Variants in CNTNAP2 observed in about 807,000 individuals in gnomAD.
CNTNAP2 encodes contactin-associated protein-like 2.
Under a neutral mutation model 155.2 loss-of-function variants are expected in CNTNAP2, and 98 were observed. That is an observed-to-expected ratio of 0.63 (90% CI 0.54 to 0.75). The LOEUF is 0.75. Ranked by LOEUF, CNTNAP2 falls within the 30% of genes least tolerant of loss-of-function variation. The pLI is 0.00. For synonymous variants in CNTNAP2, 651 were observed against 631.2 expected (o/e 1.03, Z -0.47); for missense variants, 1,727 against 1,688.1 (o/e 1.02, Z -0.40).
chr7:146,353,784 C>CAATAAT (rs564677532), intron 1 of CNTNAP2, among the ~76,000 whole-genome samples: 14 of 150,884 alleles, frequency 9.3e-5, no homozygotes, highest in East Asian at 3.9e-4. Flanking sequence ...CCTATTAAAA[C>CAATAAT]AATAATAATA....
intron 4 of CNTNAP2, among the ~76,000 whole-genome samples, chr7:147,086,914 A>T (rs1266873333): frequency 2.6e-5 from 4 of 152,348 alleles, no homozygotes; most frequent in Middle Eastern, 3.4e-3. Flanking sequence ...AACGAATTCA[A>T]GTTAAGTTTT....
chr7:147,117,016 G>A (rs1022510370), intron 5 of CNTNAP2, among the ~76,000 whole-genome samples: 1 of 152,198 alleles, frequency 6.6e-6, no homozygotes, highest in South Asian at 2.1e-4. Context: ...TTGTCCTGAT[G>A]ACAGTGGCTG....
intron 11 of CNTNAP2, among the ~76,000 whole-genome samples, chr7:147,537,345 T>G (rs1799560869): frequency 6.6e-6 from 1 of 152,216 alleles, no homozygotes; most frequent in Non-Finnish European, 1.5e-5. Context: ...CTTGGAACTC[T>G]TATATAATCG....
chr7:146,320,321 A>T (rs1800979378), intron 1 of CNTNAP2, among the ~76,000 whole-genome samples: 1 of 152,096 alleles, frequency 6.6e-6, no homozygotes, highest in African/African-American at 2.4e-5. Context: ...TGTTGTAGTT[A>T]TACTCCAAAA....
At chr7:146,464,099 G>A (rs1183330241) in intron 1 of CNTNAP2, among the ~76,000 whole-genome samples, 2 of 150,130 alleles carry the variant, frequency 1.3e-5, no homozygotes, top group South Asian at 2.1e-4. Flanking sequence ...AAAACAAAGC[G>A]TTCATTTTTT....
intron 1 of CNTNAP2, among the ~76,000 whole-genome samples, chr7:146,713,927 T>C (rs1013904164): frequency 6.6e-6 from 1 of 152,088 alleles, no homozygotes; most frequent in African/African-American, 2.4e-5. Context: ...TAAAATGAAC[T>C]AGCATATGTA....
chr7:147,740,441 A>G (rs949591290), intron 13 of CNTNAP2, among the ~76,000 whole-genome samples: 2 of 152,106 alleles, frequency 1.3e-5, no homozygotes, highest in African/African-American at 4.8e-5. Context: ...TGCCCAACAA[A>G]CCCACTGAGG....
At chr7:147,407,430 TGCACTCCA>T (rs1797024667) in intron 10 of CNTNAP2, among the ~76,000 whole-genome samples, 1 of 126,444 alleles carries the variant, frequency 7.9e-6, no homozygotes, top group Non-Finnish European at 1.6e-5. Context: ...ATCATGCCAC[TGCACTCCA>T]GCCTGGGCAA....
At chr7:146,802,835 C>T (rs1802904485) in intron 2 of CNTNAP2, among the ~76,000 whole-genome samples, 1 of 152,104 alleles carries the variant, frequency 6.6e-6, no homozygotes, top group Non-Finnish European at 1.5e-5. Context: ...ATCATAAGGT[C>T]AATTGATTAC....
Position 146,434,457 on chromosome 7 carries a change from T to G in CNTNAP2, c.97+317484T>G, listed in dbSNP as rs184926007. Among the ~76,000 whole-genome samples, 20 of 152,324 alleles carry G rather than the reference T, an allele frequency of 1.3e-4. No homozygotes were observed. In the East Asian group the frequency reaches 3.3e-3, roughly 25 times the overall value. On this transcript the variant is annotated intron_variant, in intron 1 of 23. Coordinates refer to ENST00000361727, the MANE Select transcript of CNTNAP2 (RefSeq NM_014141.6). ...TGAAACTTTCAAGCATGGATTAAAA[T>G]TATGCTTACCCTTTACTTACTATTA...
At chr7:146,633,832 G>GAAAAAAAAAAAAAAAAA (rs60993956) in intron 1 of CNTNAP2, among the ~76,000 whole-genome samples, 23 of 79,026 alleles carry the variant, frequency 2.9e-4, no homozygotes, top group African/African-American at 5.4e-4. Flanking sequence ...TGCATCTAGA[G>GAAAAAAAAAAAAAAAAA]AAAAAAAAAA....
chr7:146,172,523 T>A (rs1798410129), intron 1 of CNTNAP2, among the ~76,000 whole-genome samples: 1 of 152,140 alleles, frequency 6.6e-6, no homozygotes, highest in South Asian at 2.1e-4. Flanking sequence ...AAATTCCTGA[T>A]TTTTCTCTCC....
chr7:148,062,628 G>T (rs1012728721), intron 15 of CNTNAP2, among the ~76,000 whole-genome samples: 1 of 151,948 alleles, frequency 6.6e-6, no homozygotes, highest in Non-Finnish European at 1.5e-5. Context: ...CTAGGGGAAG[G>T]TATCTTAAAA....
At chr7:146,836,047 G>A (rs1803610631) in intron 2 of CNTNAP2, among the ~76,000 whole-genome samples, 1 of 152,070 alleles carries the variant, frequency 6.6e-6, no homozygotes, top group Non-Finnish European at 1.5e-5. Context: ...GCTAAGTACT[G>A]TATCATAGAA....
At chr7:147,872,996 A>T (rs10085572) in intron 13 of CNTNAP2, among the ~76,000 whole-genome samples, 5,992 of 152,320 alleles carry the variant, frequency 0.039, 251 homozygotes, top group East Asian at 0.16. Context: ...AAATATGAAC[A>T]TTCAATAAAG....
At chr7:147,142,994 G>C (rs1801630535) in intron 8 of CNTNAP2, among the ~76,000 whole-genome samples, 1 of 151,990 alleles carries the variant, frequency 6.6e-6, no homozygotes, top group South Asian at 2.1e-4. Flanking sequence ...CCATCCTCTA[G>C]TATAGTGCCT....
chr7:146,701,920 A>G (rs1239628686), intron 1 of CNTNAP2, among the ~76,000 whole-genome samples: 2 of 152,188 alleles, frequency 1.3e-5, no homozygotes, highest in African/African-American at 4.8e-5. Flanking sequence ...GAAAAGTAAT[A>G]TTTCTGTTGA....
chr7:147,792,946 C>G (rs193194148), intron 13 of CNTNAP2, among the ~76,000 whole-genome samples: 12 of 152,258 alleles, frequency 7.9e-5, no homozygotes, highest in African/African-American at 2.9e-4. Context: ...TCCCTGATGA[C>G]TAATGATGGG....
chr7:147,201,981 A>G (rs764944057), intron 8 of CNTNAP2, among the ~76,000 whole-genome samples: 1 of 152,196 alleles, frequency 6.6e-6, no homozygotes, highest in African/African-American at 2.4e-5. Flanking sequence ...CAATAGAACG[A>G]ATGTCCTTTA....
Sources: allele counts gnomAD v4.1 joint callset (sites outside exome capture counted in the v4.1 genomes callset), GRCh38; gene constraint gnomAD v4.1.1; transcripts MANE v1.5; gene names NCBI Gene and HGNC (gene_info 2026-07-23, HGNC 2026-07-21).